Variants in PSIP1 observed in about 807,000 individuals in gnomAD.
PSIP1 encodes PC4 and SFRS1-interacting protein.
A neutral mutation model predicts 74.7 loss-of-function variants in PSIP1; 19 were observed. The observed-to-expected ratio is 0.25, with a 90% CI of 0.18 to 0.37. The LOEUF (loss-of-function observed/expected upper bound fraction) is 0.37, where lower values mean the gene tolerates loss of function less well. Ranked by LOEUF, PSIP1 falls within the 10% of genes least tolerant of loss-of-function variation. The pLI is 1.00. For synonymous variants in PSIP1, 222 were observed against 195.3 expected, an observed-to-expected ratio of 1.14 and a Z score of -1.14; for missense variants, 601 against 614.3, an observed-to-expected ratio of 0.98 and a Z score of 0.23.
rs769573888 is a variant in PSIP1, at chr9:15,472,685, C to G, written c.924G>C (p.Glu308Asp). 44 of 1,608,834 alleles carry G rather than the reference C, an allele frequency of 2.7e-5. No homozygotes were observed. The Admixed American group carries it at 7.3e-4, about 27-fold the overall frequency. Reference protein sequence around the residue: ...HRRNMLKGQHEKEAADRKRKQ... With the variant: ...HRRNMLKGQHDKEAADRKRKQ... ...TGCGTTTTCGATCTGCTGCTTCTTT[C>G]TCATGTTGGCCTTTCAGCATATTCC... The change falls in exon 10 of 16, where the codon GAG (glutamate) becomes GAC (aspartate). Residue 308 changes from glutamate to aspartate, a missense_variant. Physicochemically the swap from Glu to Asp is conservative, Grantham distance 45. This residue lies in a region of PSIP1 where 538 missense variants were observed against 507.6 expected (regional missense o/e 1.06). Coordinates refer to ENST00000380733, the MANE Select transcript of PSIP1 (RefSeq NM_033222.5).
intron 8 of PSIP1, among the ~76,000 whole-genome samples, chr9:15,477,472 C>A (rs1266932553): frequency 6.6e-6 from 1 of 152,124 alleles, no homozygotes. Context: ...TTGAAACATA[C>A]CAATTCTCTA....
chr9:15,484,588 A>G (rs1329161534), intron 6 of PSIP1, among the ~76,000 whole-genome samples: 1 of 151,950 alleles, frequency 6.6e-6, no homozygotes, highest in Non-Finnish European at 1.5e-5. Flanking sequence ...TTAGGTGTGC[A>G]TGGTGGTGTG....
intron 8 of PSIP1, among the ~76,000 whole-genome samples, chr9:15,476,479 G>A (rs1423917772): frequency 6.6e-6 from 1 of 152,194 alleles, no homozygotes; most frequent in Non-Finnish European, 1.5e-5. Flanking sequence ...TAGTGTTCAA[G>A]AAAGATGTGT....
chr9:15,486,585 T>C (rs1032543300), intron 5 of PSIP1, among the ~76,000 whole-genome samples: 1 of 152,230 alleles, frequency 6.6e-6, no homozygotes, highest in African/African-American at 2.4e-5. Flanking sequence ...ACCCTACAGT[T>C]GGACTTCATG....
intron 3 of PSIP1, among the ~76,000 whole-genome samples, chr9:15,494,061 T>C (rs908353238): frequency 2.0e-5 from 3 of 152,162 alleles, no homozygotes; most frequent in Non-Finnish European, 4.4e-5. Flanking sequence ...GATATACATA[T>C]ACTCCCCAAA....
intron 10 of PSIP1, chr9:15,471,647 G>T: frequency 1.1e-6 from 1 of 936,160 alleles, no homozygotes; most frequent in Non-Finnish European, 1.3e-6. Flanking sequence ...CTTTAGATAA[G>T]TTATTTAAAT....
rs531067869 is a variant in PSIP1, at chr9:15,471,685, G to T, written c.977+947C>A. The T allele has an allele frequency of 2.0e-4, 191 of 959,634 alleles. No homozygotes were observed. In the Middle Eastern group the frequency reaches 3.2e-3, roughly 16 times the overall value. 59.4% of individuals were successfully genotyped at this position (959,634 alleles called of 1,614,324 possible). On this transcript the variant is annotated intron_variant, in intron 10 of 15. Transcript: ENST00000380733. The stretch of plus-strand genomic sequence containing the variant: ...CTCCCTCAAGGAGCTAAAACTACTT[G>T]TATATCCTCCAAACTAAGAAAGCAG...
At chr9:15,470,634 GGTTTT>G in intron 10 of PSIP1, 1 of 946,350 alleles carries the variant, frequency 1.1e-6, no homozygotes, top group Non-Finnish European at 1.3e-6. Context: ...CTAAAAATCA[GGTTTT>G]TTTTTTAAAA....
rs544552454 is a variant in PSIP1 at position 15,476,160 on chromosome 9, ACACT to A, written c.630-1927_630-1924del. ...ACACAGCCAAGAGTAGTTACAGCTC[ACACT>A]CAGCCTACGCACAGCATGAATAAGA... On this transcript the variant is annotated intron_variant, in intron 8 of 15. Coordinates refer to ENST00000380733, the MANE Select transcript of PSIP1 (RefSeq NM_033222.5). Among the ~76,000 whole-genome samples the A allele has an allele frequency of 2.3e-3, 346 of 152,338 alleles. 1 individual carries two copies. The highest frequency in any genetic ancestry group is 3.8e-3 in the Non-Finnish European group (258 of 68,026).
Position 15,467,704 on chromosome 9 carries a change from TGAAAA to T in PSIP1, c.1421-850_1421-846del, listed in dbSNP as rs764593871. 1.2e-4 allele frequency among the ~76,000 whole-genome samples: 18 copies of T among 152,302 alleles called. No individual in the cohort carries two copies. The East Asian group carries it at 2.1e-3, about 18-fold the overall frequency. ...AGTTATAAATTTTTCCTAATACAAA[TGAAAA>T]GAAAATAACTACTGTTAGTAATAAG... On this transcript the variant is annotated intron_variant, in intron 14 of 15. Transcript: ENST00000380733.
chr9:15,467,360 C>T (rs1239031554), intron 14 of PSIP1, among the ~76,000 whole-genome samples: 1 of 152,122 alleles, frequency 6.6e-6, no homozygotes, highest in Non-Finnish European at 1.5e-5. Flanking sequence ...TAAGGGGACC[C>T]ATGTCATTCC....
At chr9:15,503,798 G>A (rs2037455297) in intron 3 of PSIP1, among the ~76,000 whole-genome samples, 1 of 152,140 alleles carries the variant, frequency 6.6e-6, no homozygotes, top group African/African-American at 2.4e-5. Flanking sequence ...CCAGGCTGGA[G>A]TGCAATGGCA....
At chr9:15,500,874 T>C (rs2037311994) in intron 3 of PSIP1, among the ~76,000 whole-genome samples, 2 of 152,202 alleles carry the variant, frequency 1.3e-5, no homozygotes, top group African/African-American at 4.8e-5. Flanking sequence ...CAAAGGTAAT[T>C]AGTCACCAAA....
intron 9 of PSIP1, among the ~76,000 whole-genome samples, chr9:15,473,016 T>C (rs1420198835): frequency 6.6e-6 from 1 of 152,220 alleles, no homozygotes; most frequent in Non-Finnish European, 1.5e-5. Flanking sequence ...TGTTTGCCTC[T>C]CTACAGAGTG....
rs1382415376 is a variant in PSIP1, at chr9:15,465,293, CTAA to C, written c.*224_*226del. On this transcript the variant is annotated 3_prime_UTR_variant, in exon 16 of 16. Transcript: ENST00000380733. ...GTCTGGAAAAGCAGTTTAACATTTT[CTAA>C]ATGGATTTTATCCCACATTTACTGT... 1 of 446,810 alleles carries C rather than the reference CTAA, an allele frequency of 2.2e-6. No homozygotes were observed. Among genetic ancestry groups the C allele is most frequent in the African/African-American group, 2.1e-5 (1 of 48,578 alleles). The allele number at this position is 446,810 out of a possible 1,614,324, so 27.7% of individuals were successfully genotyped here.
At chr9:15,488,071 C>A (rs959013062) in intron 4 of PSIP1, among the ~76,000 whole-genome samples, 1 of 152,174 alleles carries the variant, frequency 6.6e-6, no homozygotes, top group African/African-American at 2.4e-5. Context: ...TGACTTATGC[C>A]TGTAATCCCA....
At position 15,465,055 on chromosome 9, in the gene PSIP1, ATCTACC is replaced by A; in HGVS notation, c.*459_*464del. On this transcript the variant is annotated 3_prime_UTR_variant, in exon 16 of 16. Transcript: ENST00000380733. ...AGTACTTGTATAGAAGTAACATTTTATCTACCATAAAAATGTGTAACTTCTACAAAA... is the reference window on the plus strand; with the variant it reads ...AGTACTTGTATAGAAGTAACATTTTAATAAAAATGTGTAACTTCTACAAAA... 1 of 224,906 alleles carries A rather than the reference ATCTACC, an allele frequency of 4.4e-6. No individual in the cohort carries two copies. Among genetic ancestry groups the A allele is most frequent in the Non-Finnish European group, 8.9e-6 (1 of 112,822 alleles). 13.9% of individuals were successfully genotyped at this position (224,906 alleles called of 1,614,324 possible). A position where few individuals can be genotyped will look rare whatever the true frequency, so the allele number is the denominator to read the frequency against.
In PSIP1 at chr9:15,506,631, C is replaced by T. The variant is rs575796724; in HGVS notation, c.79G>A (p.Glu27Lys). ...GGCTTTACAGCTCCATCAGGAACTTCGTCTACCTAAAAGAAAAGTGAGAAA... is the reference window on the plus strand; with the variant it reads ...GGCTTTACAGCTCCATCAGGAACTTTGTCTACCTAAAAGAAAAGTGAGAAA... The part of the protein sequence containing the change: ...GYPHWPARVD[E>K]VPDGAVKPPT... Residue 27 changes from glutamate (E) to lysine (K), a missense_variant, in exon 3 of 16, where the codon GAA becomes AAA. By Grantham distance (56) the Glu-to-Lys change is moderately conservative (BLOSUM62 1). Coordinates refer to ENST00000380733, the MANE Select transcript of PSIP1 (RefSeq NM_033222.5). 3 of 1,608,690 alleles carry T rather than the reference C, an allele frequency of 1.9e-6. No individual in the cohort carries two copies. Among genetic ancestry groups the T allele is most frequent in the African/African-American group, 1.3e-5 (1 of 74,864 alleles).
chr9:15,472,022 T>A, intron 10 of PSIP1: 1 of 971,044 alleles, frequency 1.0e-6, no homozygotes. Context: ...GCTATTACTT[T>A]TCCTTCTAGT....
Sources: allele counts gnomAD v4.1 joint callset (sites outside exome capture counted in the v4.1 genomes callset), GRCh38; gene constraint gnomAD v4.1.1; regional missense constraint gnomAD v4.1.1; transcripts MANE v1.5; gene names NCBI Gene and HGNC (gene_info 2026-07-23, HGNC 2026-07-21).